The following SCFD2 variants were observed in gnomAD, a reference collection of about 807,000 sequenced individuals.
SCFD2 encodes the protein sec1 family domain containing 2.
SCFD2 carries 54 observed loss-of-function variants against 58.9 expected under a neutral mutation model. The observed-to-expected ratio is 0.92, with a 90% CI of 0.74 to 1.15. The LOEUF (loss-of-function observed/expected upper bound fraction) is 1.15. SCFD2 is among the 50% of genes most tolerant of loss of function. The pLI, the probability that SCFD2 is intolerant of heterozygous loss-of-function variation, is 0.00. For synonymous variants in SCFD2, 321 were observed against 335.9 expected (o/e 0.96, Z 0.49); for missense variants, 805 against 836.6 (o/e 0.96, Z 0.47).
At chr4:53,364,010 A>G (rs564140409) in intron 1 of SCFD2, among the ~76,000 whole-genome samples, 3 of 152,276 alleles carry the variant, frequency 2.0e-5, no homozygotes, top group Non-Finnish European at 4.4e-5. Flanking sequence ...TAGAAGTAAC[A>G]GTAATATATA....
chr4:53,140,392 A>AAAAT lies in SCFD2; in HGVS notation c.1561+4940_1561+4941insATTT, dbSNP rs369140110. Among the ~76,000 whole-genome samples the AAAAT allele has an allele frequency of 1.4e-3, 138 of 97,494 alleles. 8 individuals carry two copies. Among genetic ancestry groups the AAAAT allele is most frequent in the South Asian group, 2.5e-3 (6 of 2,358 alleles). 64.0% of individuals were successfully genotyped at this position (97,494 alleles called of 152,430 possible). On this transcript the variant is annotated intron_variant, in intron 5 of 8. Coordinates refer to ENST00000401642, the MANE Select transcript of SCFD2 (RefSeq NM_152540.4). ...AAATAAAAAGAACACCAAAAATGCT[A>AAAAT]ATATATATATATATATATATAAATT...
At chr4:53,307,450 T>A (rs1381267306) in intron 3 of SCFD2, among the ~76,000 whole-genome samples, 3 of 152,232 alleles carry the variant, frequency 2.0e-5, no homozygotes, top group African/African-American at 7.2e-5. Flanking sequence ...AGAGGCCTGA[T>A]AATAGAAGTC....
At chr4:52,971,019 G>T (rs533238921) in intron 5 of SCFD2, among the ~76,000 whole-genome samples, 8 of 152,138 alleles carry the variant, frequency 5.3e-5, no homozygotes, top group Admixed American at 3.3e-4. Context: ...CTATCTGTAC[G>T]TCACCATCAT....
chr4:53,235,763 A>G (rs974190926), intron 4 of SCFD2, among the ~76,000 whole-genome samples: 2 of 152,202 alleles, frequency 1.3e-5, no homozygotes, highest in Non-Finnish European at 2.9e-5. Context: ...GTGGAAGAGG[A>G]AATGAAAGTA....
intron 4 of SCFD2, among the ~76,000 whole-genome samples, chr4:53,168,926 A>T (rs1385207819): frequency 6.6e-6 from 1 of 152,160 alleles, no homozygotes; most frequent in Non-Finnish European, 1.5e-5. Flanking sequence ...TCTGATAACT[A>T]CCATTCTACT....
chr4:53,148,847 C>T (rs1726418602), intron 4 of SCFD2, among the ~76,000 whole-genome samples: 1 of 152,084 alleles, frequency 6.6e-6, no homozygotes, highest in Non-Finnish European at 1.5e-5. Flanking sequence ...CCTGTCTCTA[C>T]ATAAAACAAA....
At chr4:52,966,307 G>A (rs529420496) in intron 5 of SCFD2, among the ~76,000 whole-genome samples, 1 of 152,286 alleles carries the variant, frequency 6.6e-6, no homozygotes, top group East Asian at 1.9e-4. Flanking sequence ...ACATTCTCCT[G>A]TGCATGTGCA....
At chr4:53,171,982 TTTTTA>T (rs1304598974) in intron 4 of SCFD2, among the ~76,000 whole-genome samples, 2 of 149,710 alleles carry the variant, frequency 1.3e-5, no homozygotes, top group Non-Finnish European at 3.0e-5. Flanking sequence ...TTTATTTTTA[TTTTTA>T]TTTTATTTAT....
intron 4 of SCFD2, among the ~76,000 whole-genome samples, chr4:53,188,315 A>C (rs1193594321): frequency 6.6e-6 from 1 of 152,100 alleles, no homozygotes; most frequent in East Asian, 1.9e-4. Context: ...AATTTAAAGA[A>C]ACCTTTTGCC....
intron 5 of SCFD2, among the ~76,000 whole-genome samples, chr4:52,971,958 G>C (rs1478333562): frequency 6.6e-6 from 1 of 152,130 alleles, no homozygotes; most frequent in Admixed American, 6.6e-5. Flanking sequence ...TTATAGACAA[G>C]CAAATGCTGA....
intron 4 of SCFD2, among the ~76,000 whole-genome samples, chr4:53,271,774 A>T (rs983804980): frequency 1.3e-5 from 2 of 151,976 alleles, no homozygotes; most frequent in African/African-American, 4.8e-5. Context: ...ATCACTTTGG[A>T]TTATCTTAAA....
intron 5 of SCFD2, among the ~76,000 whole-genome samples, chr4:53,056,319 A>T (rs1344397517): frequency 2.0e-5 from 3 of 152,108 alleles, no homozygotes; most frequent in Non-Finnish European, 2.9e-5. Flanking sequence ...GACCCGGGGG[A>T]ATGTCCATTC....
At chr4:53,233,476 C>T (rs1189004693) in intron 4 of SCFD2, among the ~76,000 whole-genome samples, 2 of 152,166 alleles carry the variant, frequency 1.3e-5, no homozygotes, top group Middle Eastern at 3.2e-3. Flanking sequence ...ATGGTAAGAA[C>T]CAAAATTGTT....
At chr4:53,191,481 A>G (rs1727890804) in intron 4 of SCFD2, among the ~76,000 whole-genome samples, 1 of 151,974 alleles carries the variant, frequency 6.6e-6, no homozygotes, top group Non-Finnish European at 1.5e-5. Flanking sequence ...ATCTCCGCTC[A>G]CTGCAACCTC....
intron 5 of SCFD2, among the ~76,000 whole-genome samples, chr4:53,126,642 A>G (rs964117201): frequency 3.9e-5 from 6 of 152,206 alleles, no homozygotes; most frequent in Non-Finnish European, 5.9e-5. Flanking sequence ...ATGATGGTGT[A>G]CACATGGAAT....
intron 5 of SCFD2, among the ~76,000 whole-genome samples, chr4:53,037,267 T>C (rs1238250091): frequency 1.3e-5 from 2 of 152,132 alleles, no homozygotes; most frequent in African/African-American, 4.8e-5. Context: ...TTTAGGCATA[T>C]GGTGATTCCA....
chr4:53,087,104 T>C (rs971146007), intron 5 of SCFD2, among the ~76,000 whole-genome samples: 6 of 152,132 alleles, frequency 3.9e-5, no homozygotes, highest in Admixed American at 1.3e-4. Context: ...TTATTGCTTA[T>C]TGCATGTATA....
intron 5 of SCFD2, among the ~76,000 whole-genome samples, chr4:53,109,760 G>A (rs1248406644): frequency 2.0e-5 from 3 of 152,022 alleles, no homozygotes; most frequent in Non-Finnish European, 2.9e-5. Flanking sequence ...CTTATTAATA[G>A]GAAGAATCAA....
At chr4:53,174,337 T>C (rs1036544802) in intron 4 of SCFD2, among the ~76,000 whole-genome samples, 5 of 152,062 alleles carry the variant, frequency 3.3e-5, no homozygotes, top group African/African-American at 4.8e-5. Context: ...GAATACAATG[T>C]ATACCAAGCA....
Sources: gnomAD v4.1 joint callset for allele counts (sites outside exome capture counted in the v4.1 genomes callset) on GRCh38, gnomAD v4.1.1 for gene constraint, MANE v1.5 for transcripts, NCBI Gene and HGNC (gene_info 2026-07-23, HGNC 2026-07-21) for gene names.